Variants in METTL25 observed in about 807,000 individuals in gnomAD.
The protein encoded by METTL25 is probable methyltransferase-like protein 25.
METTL25 carries 64 observed loss-of-function variants against 71.6 expected under a neutral mutation model. The observed-to-expected ratio is 0.89, with a 90% CI of 0.73 to 1.10. METTL25 has a LOEUF of 1.10. Among genes scored for constraint, METTL25 ranks in the 50% least tolerant of loss-of-function variants. METTL25 has a pLI of 0.00. For missense variants in METTL25, 807 were observed against 707.0 expected (o/e 1.14, Z -1.60); for synonymous variants, 287 against 250.3 (o/e 1.15, Z -1.38).
intron 1 of METTL25, among the ~76,000 whole-genome samples, chr12:82,384,374 GCT>G (rs57771205): frequency 0.91 from 121,885 of 134,250 alleles, 55,516 homozygotes; most frequent in South Asian, 0.98. Flanking sequence ...ATCATAAACA[GCT>G]CTCTCTCTCT....
At chr12:82,467,812 A>G (rs1479377382) in intron 9 of METTL25, among the ~76,000 whole-genome samples, 3 of 152,008 alleles carry the variant, frequency 2.0e-5, no homozygotes, top group Non-Finnish European at 4.4e-5. Context: ...CTTCCTGGAC[A>G]TGGATGTTCA....
At chr12:82,463,561 C>T (rs1298131814) in intron 9 of METTL25, among the ~76,000 whole-genome samples, 7 of 151,874 alleles carry the variant, frequency 4.6e-5, no homozygotes, top group Non-Finnish European at 1.0e-4. Context: ...GCAGATAGCT[C>T]TTTGATATAT....
chr12:82,424,951 G>C (rs538338049), intron 5 of METTL25, among the ~76,000 whole-genome samples: 1 of 152,112 alleles, frequency 6.6e-6, no homozygotes, highest in Admixed American at 6.6e-5. Flanking sequence ...GCTTGATTTT[G>C]GACTGCTGGC....
chr12:82,405,870 G>A (rs538806016), intron 5 of METTL25, among the ~76,000 whole-genome samples: 1 of 152,232 alleles, frequency 6.6e-6, no homozygotes, highest in South Asian at 2.1e-4. Context: ...ATGAATGTTT[G>A]TATAATGTGT....
chr12:82,418,228 G>T (rs1888155369), intron 5 of METTL25, among the ~76,000 whole-genome samples: 1 of 152,128 alleles, frequency 6.6e-6, no homozygotes, highest in Non-Finnish European at 1.5e-5. Flanking sequence ...GTCATTTATT[G>T]ATCTGGATAT....
At chr12:82,424,939 C>A (rs1888883053) in intron 5 of METTL25, among the ~76,000 whole-genome samples, 1 of 152,006 alleles carries the variant, frequency 6.6e-6, no homozygotes, top group Non-Finnish European at 1.5e-5. Flanking sequence ...GCCTAGCCAA[C>A]AGCTTGATTT....
chr12:82,452,313 C>T (rs980889033), intron 8 of METTL25, among the ~76,000 whole-genome samples: 7 of 152,078 alleles, frequency 4.6e-5, no homozygotes, highest in Non-Finnish European at 1.0e-4. Flanking sequence ...CTTTGGCCTA[C>T]CTCTTTTTCT....
chr12:82,451,485 G>A (rs1349560453), intron 8 of METTL25, among the ~76,000 whole-genome samples: 1 of 152,126 alleles, frequency 6.6e-6, no homozygotes, highest in Non-Finnish European at 1.5e-5. Context: ...TTTTGAAAAT[G>A]AAGCTAAAAT....
chr12:82,462,922 A>AT (rs976688722), intron 9 of METTL25, among the ~76,000 whole-genome samples: 2 of 151,874 alleles, frequency 1.3e-5, no homozygotes, highest in East Asian at 1.9e-4. Flanking sequence ...GTTGTACTGT[A>AT]TTTTTTTATT....
In METTL25 at chr12:82,366,675, G is replaced by A. The variant is rs1882611579; in HGVS notation, c.259+7851G>A. Among the ~76,000 whole-genome samples the A allele has an allele frequency of 4.6e-5, 7 of 151,948 alleles. No individual in the cohort carries two copies. The South Asian group carries it at 1.0e-3, about 23-fold the overall frequency. On this transcript the variant is annotated intron_variant, in intron 1 of 11. Coordinates refer to ENST00000248306, the MANE Select transcript of METTL25 (RefSeq NM_032230.3). The stretch of plus-strand genomic sequence containing the variant: ...AGTAATTCGAATGCATTGAAATTGC[G>A]CTCATATTTAATTTGAAACACATGA...
chr12:82,452,063 A>G (rs1342568502), intron 8 of METTL25, among the ~76,000 whole-genome samples: 2 of 152,238 alleles, frequency 1.3e-5, no homozygotes, highest in African/African-American at 4.8e-5. Flanking sequence ...ATACTTCTAC[A>G]TGGAGGCAAC....
intron 1 of METTL25, among the ~76,000 whole-genome samples, chr12:82,385,726 CACTT>C (rs1199747565): frequency 1.3e-5 from 2 of 152,144 alleles, no homozygotes; most frequent in African/African-American, 4.8e-5. Flanking sequence ...ACTTAAAACT[CACTT>C]ACTGAAAGGA....
chr12:82,395,215 T>C (rs1031579665), intron 3 of METTL25, among the ~76,000 whole-genome samples: 1 of 151,974 alleles, frequency 6.6e-6, no homozygotes, highest in African/African-American at 2.4e-5. Flanking sequence ...CAAAATTAGC[T>C]CCTATCTGAG....
At chr12:82,388,174 T>A (rs1395651368) in intron 2 of METTL25, among the ~76,000 whole-genome samples, 1 of 152,150 alleles carries the variant, frequency 6.6e-6, no homozygotes, top group Non-Finnish European at 1.5e-5. Context: ...TTTTCACATA[T>A]CAAATTAGGA....
intron 5 of METTL25, among the ~76,000 whole-genome samples, chr12:82,413,191 T>C (rs973946222): frequency 6.6e-6 from 1 of 151,894 alleles, no homozygotes; most frequent in Non-Finnish European, 1.5e-5. Flanking sequence ...GAAACTAAAA[T>C]GAAGACTTTG....
chr12:82,459,354 A>T (rs1336480437), intron 9 of METTL25, among the ~76,000 whole-genome samples: 1 of 152,212 alleles, frequency 6.6e-6, no homozygotes, highest in Non-Finnish European at 1.5e-5. Flanking sequence ...GTAGCCAGCC[A>T]TGGTGGCTCA....
At chr12:82,393,416 T>G (rs1885780472) in intron 3 of METTL25, among the ~76,000 whole-genome samples, 1 of 152,054 alleles carries the variant, frequency 6.6e-6, no homozygotes. Flanking sequence ...CCTGTTTTCC[T>G]TTTGAGATTT....
chr12:82,377,588 T>A (rs1407830986), intron 1 of METTL25, among the ~76,000 whole-genome samples: 2 of 152,188 alleles, frequency 1.3e-5, no homozygotes, highest in African/African-American at 4.8e-5. Context: ...GGAAATTTAG[T>A]CTACCAGTGA....
chr12:82,467,000 G>A (rs1398179263), intron 9 of METTL25, among the ~76,000 whole-genome samples: 2 of 151,894 alleles, frequency 1.3e-5, no homozygotes, highest in Non-Finnish European at 2.9e-5. Context: ...GGCTCCCAAA[G>A]TGCTGAGATA....
Sources: allele counts gnomAD v4.1 joint callset (sites outside exome capture counted in the v4.1 genomes callset), GRCh38; gene constraint gnomAD v4.1.1; transcripts MANE v1.5; gene names NCBI Gene and HGNC (gene_info 2026-07-23, HGNC 2026-07-21).